TMTC3: variants seen among roughly 807,000 people sequenced by gnomAD.
TMTC3 encodes the protein protein O-mannosyl-transferase TMTC3.
TMTC3 carries 52 observed loss-of-function variants against 92.2 expected under a neutral mutation model. That is an observed-to-expected ratio of 0.56 (90% CI 0.45 to 0.71). The LOEUF is 0.71. Among genes scored for constraint, TMTC3 ranks in the 30% least tolerant of loss-of-function variants. TMTC3 has a pLI of 0.00. For synonymous variants in TMTC3, 339 were observed against 363.3 expected (o/e 0.93, Z 0.76); for missense variants, 896 against 1,057.1 (o/e 0.85, Z 2.11).
At chr12:88,151,844 C>T (rs1027202292) in intron 2 of TMTC3, among the ~76,000 whole-genome samples, 1 of 151,892 alleles carries the variant, frequency 6.6e-6, no homozygotes, top group Non-Finnish European at 1.5e-5. Context: ...GCTTTATATG[C>T]CTGAGATGAA....
intron 10 of TMTC3, among the ~76,000 whole-genome samples, chr12:88,184,228 T>C (rs2041350882): frequency 6.6e-6 from 1 of 152,066 alleles, no homozygotes; most frequent in African/African-American, 2.4e-5. Context: ...GATTTAATGA[T>C]AAAGGCTTGG....
chr12:88,185,408 A>G (rs2041366003), intron 10 of TMTC3, among the ~76,000 whole-genome samples: 1 of 151,866 alleles, frequency 6.6e-6, no homozygotes, highest in East Asian at 1.9e-4. Flanking sequence ...TGTTGTATGA[A>G]TCAAAAACCC....
intron 6 of TMTC3, among the ~76,000 whole-genome samples, chr12:88,162,981 T>TCTCGGCTCACCGCAAC (rs1206861491): frequency 1.3e-5 from 2 of 151,256 alleles, no homozygotes; most frequent in African/African-American, 4.9e-5. Context: ...AATGGCGCAA[T>TCTCGGCTCACCGCAAC]CTCGGCTCAC....
chr12:88,192,088 T>A (rs2041451161), intron 12 of TMTC3, among the ~76,000 whole-genome samples: 1 of 149,104 alleles, frequency 6.7e-6, no homozygotes, highest in Non-Finnish European at 1.5e-5. Flanking sequence ...TAAATTAATA[T>A]AAGAAGGGGT....
chr12:88,194,911 T>C lies in TMTC3; in HGVS notation c.2007T>C (p.Asn669=). 1 of 1,613,692 alleles carries C rather than the reference T, an allele frequency of 6.2e-7. No homozygotes were observed. The highest frequency in any genetic ancestry group is 8.5e-7 in the Non-Finnish European group (1 of 1,179,864). Residue 669 remains asparagine (N), a synonymous_variant, in exon 14 of 14, where the codon AAT becomes AAC. Coordinates refer to ENST00000266712, the MANE Select transcript of TMTC3 (RefSeq NM_181783.4). ...TAAATGAAGAGCCACTAGATGCTAA[T>C]GGGTATTTCAATTTGGGAATGCTTG... ...SYINEEPLDA[N]GYFNLGMLAM...
At chr12:88,176,513 C>T (rs2138414606) in intron 10 of TMTC3, among the ~76,000 whole-genome samples, 194 bp downstream of exon 10, 1 of 152,322 alleles carries the variant, frequency 6.6e-6, no homozygotes, top group African/African-American at 2.4e-5. Flanking sequence ...TGGTGGCTCA[C>T]ACCTGTATTC....
chr12:88,148,705 A>G (rs1393305723), intron 2 of TMTC3, among the ~76,000 whole-genome samples: 2 of 151,422 alleles, frequency 1.3e-5, no homozygotes, highest in East Asian at 1.9e-4. Flanking sequence ...GTACTTGGTT[A>G]TTTCTTTGCC....
intron 13 of TMTC3, 112 bp downstream of exon 13, chr12:88,192,942 G>C (rs1235739488): frequency 5.1e-6 from 4 of 791,204 alleles, no homozygotes; most frequent in Non-Finnish European, 7.7e-6. Context: ...ACAGTTTATA[G>C]CAATACTGTG....
chr12:88,188,745 A>G (rs568884007), intron 10 of TMTC3, 98 bp from the exon 11 acceptor site: 3 of 613,352 alleles, frequency 4.9e-6, no homozygotes, highest in South Asian at 5.4e-5. Context: ...GTTACATTGA[A>G]TACTTGTTTA....
At chr12:88,183,924 C>T (rs2041346498) in intron 10 of TMTC3, among the ~76,000 whole-genome samples, 2 of 152,154 alleles carry the variant, frequency 1.3e-5, no homozygotes, top group African/African-American at 4.8e-5. Context: ...ACAATTCCCT[C>T]GAACTTGGAA....
At chr12:88,165,561 C>T (rs761048034) in intron 6 of TMTC3, among the ~76,000 whole-genome samples, 1 of 151,962 alleles carries the variant, frequency 6.6e-6, no homozygotes, top group East Asian at 1.9e-4. Context: ...CCTTGGCTTA[C>T]TCATCTTAAA....
intron 10 of TMTC3, among the ~76,000 whole-genome samples, chr12:88,185,387 C>T (rs760050170): frequency 1.3e-5 from 2 of 150,230 alleles, no homozygotes; most frequent in South Asian, 2.1e-4. Context: ...TATTTTGATA[C>T]TCATTCATGT....
In TMTC3 at chr12:88,166,515, GT is replaced by G. The variant is rs1185010599; in HGVS notation, c.987del (p.Leu330TrpfsTer20). 1 of 1,613,686 alleles carries G rather than the reference GT, an allele frequency of 6.2e-7. No homozygotes were observed. Among genetic ancestry groups the G allele is most frequent in the Non-Finnish European group, 8.5e-7 (1 of 1,179,858 alleles). On this transcript the variant is annotated frameshift_variant, in exon 7 of 14. Transcript: ENST00000266712. LOFTEE classifies it high-confidence loss of function. ...AATCTGGCCACATTTACTTTCTTTT[GT>G]TTTCTGGGGATGTTGGGAGTATTCA... ...IRNLATFTFF[C>X]FLGMLGVFSI... is the part of the protein sequence containing the mutation.
Position 88,190,696 on chromosome 12 carries a change from GGTTT to G in TMTC3, c.1706+75_1706+78del. 6 of 1,448,798 alleles carry G rather than the reference GGTTT, an allele frequency of 4.1e-6. No homozygotes were observed. In the South Asian group the frequency reaches 7.3e-5, roughly 18 times the overall value. The allele number at this position is 1,448,798 out of a possible 1,614,324, so 89.7% of individuals were successfully genotyped here. A position where few individuals can be genotyped will look rare whatever the true frequency, so the allele number is the denominator to read the frequency against. On this transcript the variant is annotated intron_variant, in intron 12 of 13. Coordinates refer to ENST00000266712, the MANE Select transcript of TMTC3 (RefSeq NM_181783.4). ...TCTCCATGTACATTTTGAATGAATT[GGTTT>G]TTTTTGAAAAAAAATTATGTTTTTA...
At chr12:88,172,199 C>T (rs1164579352) in intron 7 of TMTC3, among the ~76,000 whole-genome samples, 1 of 151,952 alleles carries the variant, frequency 6.6e-6, no homozygotes, top group African/African-American at 2.4e-5. Context: ...CAAGCATATT[C>T]TTTACAGAAA....
chr12:88,185,340 CTT>C (rs902846875), intron 10 of TMTC3, among the ~76,000 whole-genome samples: 1 of 145,818 alleles, frequency 6.9e-6, no homozygotes, highest in Non-Finnish European at 1.5e-5. Context: ...TGGACTCTCT[CTT>C]TTTTTTTTTT....
chr12:88,161,563 A>G (rs1477883969), intron 6 of TMTC3, among the ~76,000 whole-genome samples: 1 of 151,998 alleles, frequency 6.6e-6, no homozygotes, highest in Non-Finnish European at 1.5e-5. Flanking sequence ...GATAATTGAT[A>G]TAGTTTGATG....
intron 4 of TMTC3, among the ~76,000 whole-genome samples, chr12:88,156,991 AT>A (rs111616528): frequency 0.039 from 5,882 of 151,920 alleles, 182 homozygotes; most frequent in African/African-American, 0.087. Flanking sequence ...GAAAATACTC[AT>A]TTCTAACCTG....
chr12:88,169,946 AAAAAG>A (rs2041186658), intron 7 of TMTC3, among the ~76,000 whole-genome samples: 2 of 151,768 alleles, frequency 1.3e-5, no homozygotes, highest in South Asian at 4.1e-4. Context: ...AGAAAAAAAA[AAAAAG>A]GAAGAAGAAA....
Sources: gnomAD v4.1 joint callset for allele counts (sites outside exome capture counted in the v4.1 genomes callset) on GRCh38, gnomAD v4.1.1 for gene constraint, MANE v1.5 for transcripts, NCBI Gene and HGNC (gene_info 2026-07-23, HGNC 2026-07-21) for gene names.